The following EGFR variants were observed in gnomAD, a reference collection of about 807,000 sequenced individuals.
EGFR encodes the protein avian erythroblastic leukemia viral (v-erb-b) oncogene homolog.
EGFR carries 58 observed loss-of-function variants against 143.0 expected under a neutral mutation model. The ratio of observed to expected loss-of-function variants is 0.41; its 90% CI spans 0.33 to 0.50. The LOEUF is 0.50. EGFR is among the 20% of genes least tolerant of loss of function. The pLI is 0.39. For synonymous variants in EGFR, 613 were observed against 594.4 expected, an observed-to-expected ratio of 1.03 and a Z score of -0.45; for missense variants, 1,307 against 1,579.0, an observed-to-expected ratio of 0.83 and a Z score of 2.92.
chr7:55,166,735 GTAGTGATGA>G lies in EGFR; in HGVS notation c.1880+1300_1880+1308del, dbSNP rs1200018371. ...TGAGGAGGTGGGAGTCACAATGGTG[GTAGTGATGA>G]TGGTGTTGATGGTGGTGAGGAGGTG... On this transcript the variant is annotated intron_variant, in intron 15 of 27. Transcript: ENST00000275493. Among the ~76,000 whole-genome samples, 568 of 130,172 alleles carry G rather than the reference GTAGTGATGA, an allele frequency of 4.4e-3. 87 individuals carry two copies. Among genetic ancestry groups the G allele is most frequent in the African/African-American group, 0.016 (527 of 33,284 alleles). 85.4% of individuals were successfully genotyped at this position (130,172 alleles called of 152,430 possible).
chr7:55,131,469 A>C (rs893857966), intron 1 of EGFR, among the ~76,000 whole-genome samples: 1 of 152,158 alleles, frequency 6.6e-6, no homozygotes, highest in Non-Finnish European at 1.5e-5. Flanking sequence ...ACTGCTTCTC[A>C]TCTGTTCCCC....
chr7:55,042,532 CCT>C (rs1216079889), intron 1 of EGFR, among the ~76,000 whole-genome samples: 2 of 152,012 alleles, frequency 1.3e-5, no homozygotes, highest in Admixed American at 6.6e-5. Flanking sequence ...CAAGATTGCC[CCT>C]GTTTTCTACT....
chr7:55,190,302 A>G (rs1351999837), intron 20 of EGFR, among the ~76,000 whole-genome samples: 2 of 152,118 alleles, frequency 1.3e-5, no homozygotes, highest in Non-Finnish European at 1.5e-5. Context: ...GGGACAGTCC[A>G]TGTAGTCATG....
intron 1 of EGFR, among the ~76,000 whole-genome samples, chr7:55,138,381 A>T (rs1344286139): frequency 6.6e-6 from 1 of 152,234 alleles, no homozygotes; most frequent in Non-Finnish European, 1.5e-5. Flanking sequence ...ATAGACTTAA[A>T]GTAATATCAA....
intron 27 of EGFR, among the ~76,000 whole-genome samples, chr7:55,203,827 T>G (rs1248489945): frequency 6.6e-6 from 1 of 151,658 alleles, no homozygotes; most frequent in Non-Finnish European, 1.5e-5. Flanking sequence ...GATTTAGATA[T>G]ATATAAAACA....
chr7:55,095,017 G>A (rs1791367253), intron 1 of EGFR, among the ~76,000 whole-genome samples: 1 of 152,078 alleles, frequency 6.6e-6, no homozygotes, highest in African/African-American at 2.4e-5. Context: ...TCTTATCGCT[G>A]GTTTTTATTT....
chr7:55,166,687 G>GGTA (rs758049222), intron 15 of EGFR, among the ~76,000 whole-genome samples: 1,599 of 102,718 alleles, frequency 0.016, 71 homozygotes, highest in Non-Finnish European at 0.025. Context: ...TCACAATGGT[G>GGTA]GTGGTGATGG....
intron 5 of EGFR, 87 bp from the exon 6 acceptor site, chr7:55,152,458 GA>G (rs1785204205): frequency 8.1e-7 from 1 of 1,231,922 alleles, no homozygotes; most frequent in Non-Finnish European, 1.2e-6. Context: ...ACTTTTTCAT[GA>G]AAAAGTCTGC....
rs1788163331 is a variant in EGFR, at chr7:55,208,518, T to C, written c.*2901T>C. 6.6e-6 allele frequency: 1 copy of C among 152,272 alleles called. No homozygotes were observed. The highest frequency in any genetic ancestry group is 1.5e-5 in the Non-Finnish European group (1 of 68,094). The allele number at this position is 152,272 out of a possible 1,614,324, so 9.4% of individuals were successfully genotyped here. A position where few individuals can be genotyped will look rare whatever the true frequency, so the allele number is the denominator to read the frequency against. ...GTAAGGAGCTGAGAGCTCACATTCATAGGTGCCGCCAGCCTTCGTGCATCT... is the reference window on the plus strand; with the variant it reads ...GTAAGGAGCTGAGAGCTCACATTCACAGGTGCCGCCAGCCTTCGTGCATCT... On this transcript the variant is annotated 3_prime_UTR_variant, in exon 28 of 28. Transcript: ENST00000275493.
At chr7:55,056,993 A>G (rs6593201) in intron 1 of EGFR, among the ~76,000 whole-genome samples, 126,926 of 152,240 alleles carry the variant, frequency 0.83, 53,130 homozygotes, top group East Asian at 0.97. Context: ...GCAGAGAGTC[A>G]GAATCCCCGC....
intron 1 of EGFR, among the ~76,000 whole-genome samples, chr7:55,054,510 G>T (rs995393622): frequency 6.6e-6 from 1 of 152,196 alleles, no homozygotes; most frequent in Non-Finnish European, 1.5e-5. Flanking sequence ...TTCCTGGCGC[G>T]CCCGCGGGGC....
chr7:55,192,102 TC>T (rs927589597), intron 21 of EGFR, among the ~76,000 whole-genome samples: 3 of 152,154 alleles, frequency 2.0e-5, no homozygotes, highest in African/African-American at 7.2e-5. Context: ...GAGGATGTTA[TC>T]CCCAGGTGAT....
At chr7:55,171,346 C>G in intron 16 of EGFR, 133 bp downstream of exon 16, 1 of 1,309,180 alleles carries the variant, frequency 7.6e-7, no homozygotes, top group South Asian at 1.2e-5. Context: ...CCAGCCTACC[C>G]TCAGCCAGGG....
Position 55,181,321 on chromosome 7 carries a change from A to G in EGFR, c.2312A>G (p.Asn771Ser), listed in dbSNP as rs1584238358. The G allele has an allele frequency of 6.2e-7, 1 of 1,613,964 alleles. No homozygotes were observed. Among genetic ancestry groups the G allele is most frequent in the Non-Finnish European group, 8.5e-7 (1 of 1,180,000 alleles). The change falls in exon 20 of 28, where the codon AAC becomes AGC. Residue 771 changes from asparagine (N) to serine (S), a missense_variant. Physicochemically the swap from Asn to Ser is conservative, Grantham distance 46 (BLOSUM62 1). This residue lies in a region of EGFR where 348 missense variants were observed against 451.5 expected (regional missense o/e 0.77). Coordinates refer to ENST00000275493, the MANE Select transcript of EGFR (RefSeq NM_005228.5). ...GCCTACGTGATGGCCAGCGTGGACA[A>G]CCCCCACGTGTGCCGCCTGCTGGGC... ...DEAYVMASVD[N>S]PHVCRLLGIC...
At chr7:55,077,992 T>A (rs1790227768) in intron 1 of EGFR, among the ~76,000 whole-genome samples, 1 of 151,746 alleles carries the variant, frequency 6.6e-6, no homozygotes, top group Non-Finnish European at 1.5e-5. Context: ...ACGCCGTGGG[T>A]GTGGAGGGGG....
At chr7:55,204,231 TACAC>T (rs869288401) in intron 27 of EGFR, among the ~76,000 whole-genome samples, 3 of 128,520 alleles carry the variant, frequency 2.3e-5, no homozygotes, top group African/African-American at 8.9e-5. Flanking sequence ...TACACAAACG[TACAC>T]ACACACCACA....
At chr7:55,073,249 AAG>A in intron 1 of EGFR, among the ~76,000 whole-genome samples, 1 of 152,376 alleles carries the variant, frequency 6.6e-6, no homozygotes, top group Non-Finnish European at 1.5e-5. Flanking sequence ...TGCAATTGTG[AAG>A]AGTGTCTGCT....
chr7:55,131,581 G>C (rs1402080714), intron 1 of EGFR, among the ~76,000 whole-genome samples: 1 of 152,308 alleles, frequency 6.6e-6, no homozygotes, highest in Non-Finnish European at 1.5e-5. Context: ...ACCACAGGCG[G>C]GGCGGCTTGG....
rs1391110463 is a variant in EGFR at position 55,019,337 on chromosome 7, G to C, written c.60G>C (p.Pro20=). 3 of 1,517,142 alleles carry C rather than the reference G, an allele frequency of 2.0e-6. No homozygotes were observed. Among genetic ancestry groups the C allele is most frequent in the East Asian group, 2.8e-5 (1 of 35,936 alleles). The allele number at this position is 1,517,142 out of a possible 1,614,324, so 94.0% of individuals were successfully genotyped here. A position where few individuals can be genotyped will look rare whatever the true frequency, so the allele number is the denominator to read the frequency against. Residue 20 remains proline, a synonymous_variant, in exon 1 of 28, where the codon CCG becomes CCC. Coordinates refer to ENST00000275493, the MANE Select transcript of EGFR (RefSeq NM_005228.5). ...TGGCGCTGCTGGCTGCGCTCTGCCC[G>C]GCGAGTCGGGCTCTGGAGGAAAAGA... The part of the protein sequence containing the change: ...ALLALLAALC[P]ASRALEEKKV...
Sources: gnomAD v4.1 joint callset for allele counts (sites outside exome capture counted in the v4.1 genomes callset) on GRCh38, gnomAD v4.1.1 for gene constraint, gnomAD v4.1.1 regional missense constraint, MANE v1.5 for transcripts, NCBI Gene and HGNC (gene_info 2026-07-23, HGNC 2026-07-21) for gene names.